The following STK10 variants were observed in gnomAD, a reference collection of about 807,000 sequenced individuals.
STK10 encodes the protein serine/threonine-protein kinase 10.
STK10 carries 78 observed loss-of-function variants against 113.8 expected under a neutral mutation model. The ratio of observed to expected loss-of-function variants is 0.69; its 90% CI spans 0.57 to 0.83. STK10 has a LOEUF of 0.83. STK10 is among the 40% of genes least tolerant of loss of function. STK10 has a pLI of 0.00. For missense variants in STK10, 1,109 were observed against 1,280.1 expected (o/e 0.87, Z 2.04); for synonymous variants, 465 against 494.7 (o/e 0.94, Z 0.80).
At chr5:172,186,444 C>A (rs761933653) in intron 1 of STK10, among the ~76,000 whole-genome samples, 3 of 151,766 alleles carry the variant, frequency 2.0e-5, no homozygotes, top group Admixed American at 2.0e-4. Flanking sequence ...GGCTACGTGG[C>A]GAAACCCCAA....
chr5:172,184,786 G>T (rs1447227293), intron 1 of STK10, among the ~76,000 whole-genome samples: 5 of 151,962 alleles, frequency 3.3e-5, no homozygotes, highest in Admixed American at 3.3e-4. Flanking sequence ...CGAGTAGCTG[G>T]GATTATAGGG....
intron 7 of STK10, among the ~76,000 whole-genome samples, chr5:172,099,884 G>A (rs969691963): frequency 4.6e-5 from 7 of 152,180 alleles, no homozygotes; most frequent in Admixed American, 1.3e-4. Flanking sequence ...TTTTCAGCAC[G>A]GCCAGGAACT....
Position 172,055,721 on chromosome 5 carries a change from C to T in STK10, c.2393G>A (p.Arg798Gln), listed in dbSNP as rs1346810750. The T allele has an allele frequency of 4.4e-6, 7 of 1,579,664 alleles. No individual in the cohort carries two copies. The highest frequency in any genetic ancestry group is 1.7e-4 in the Middle Eastern group (1 of 5,892). Residue 798 changes from arginine to glutamine, a missense_variant, in exon 16 of 19, where the codon CGG (arginine) becomes CAG (glutamine). Transcript: ENST00000176763. ...NQRMIEQLKV[R>Q]QQQEKARLPK... ...CAGCCGCGCCTTTTCCTGTTGCTGC[C>T]GCACCTTCAGCTGCTCTATCATGCG...
chr5:172,090,493 T>C, intron 9 of STK10, 131 bp from the exon 10 acceptor site: 2 of 1,297,084 alleles, frequency 1.5e-6, no homozygotes, highest in Non-Finnish European at 2.1e-6. Context: ...TGGCCATCCA[T>C]CGTCCCTCTT....
intron 1 of STK10, among the ~76,000 whole-genome samples, chr5:172,179,004 G>A (rs754513749): frequency 2.6e-5 from 4 of 152,124 alleles, no homozygotes; most frequent in Non-Finnish European, 5.9e-5. Flanking sequence ...CACCCAAAAT[G>A]CCAGTAGTGC....
intron 10 of STK10, 142 bp downstream of exon 10, chr5:172,090,090 G>T: frequency 8.1e-7 from 1 of 1,237,098 alleles, no homozygotes. Context: ...CAGGATCGCA[G>T]GCAAAATGAG....
intron 4 of STK10, chr5:172,114,461 A>ATATATG (rs1177925690): frequency 3.4e-5 from 1 of 29,674 alleles, no homozygotes; most frequent in African/African-American, 1.5e-4. Context: ...ATATATATAT[A>ATATATG]TATATATATA....
chr5:172,076,571 G>A (rs1457444230), intron 12 of STK10, among the ~76,000 whole-genome samples: 1 of 152,198 alleles, frequency 6.6e-6, no homozygotes, highest in East Asian at 1.9e-4. Flanking sequence ...AATGCCAGTA[G>A]CACTGCTCCC....
intron 1 of STK10, among the ~76,000 whole-genome samples, chr5:172,184,949 C>T (rs1464531866): frequency 6.6e-6 from 1 of 152,204 alleles, no homozygotes; most frequent in Non-Finnish European, 1.5e-5. Context: ...GCGTGAGCCA[C>T]AGCACCTGGC....
In STK10 at chr5:172,093,692, G is replaced by T. The variant is rs748679043; in HGVS notation, c.1274C>A (p.Ala425Asp). The T allele has an allele frequency of 6.2e-7, 1 of 1,614,222 alleles. No homozygotes were observed. Among genetic ancestry groups the T allele is most frequent in the Non-Finnish European group, 8.5e-7 (1 of 1,180,026 alleles). Reference sequence around the variant, plus strand: ...CTGCTCAGCAACTTGCTTCTCCTGGGCTACCTGAATTCTGGCATCCATTGA... The same window carrying T: ...CTGCTCAGCAACTTGCTTCTCCTGGTCTACCTGAATTCTGGCATCCATTGA... ...PVSMDARIQV[A>D]QEKQVAEQGG... Residue 425 changes from alanine (A) to aspartate (D), a missense_variant, in exon 9 of 19, where the codon GCC (alanine) becomes GAC (aspartate). This residue lies in a region of STK10 where 885 missense variants were observed against 991.1 expected (regional missense o/e 0.89). Coordinates refer to ENST00000176763, the MANE Select transcript of STK10 (RefSeq NM_005990.4). This position sits in a 1 kb window ranked among gnomAD's most constrained non-coding sequence, Gnocchi z 4.1.
At chr5:172,177,304 G>A (rs1770776996) in intron 1 of STK10, among the ~76,000 whole-genome samples, 3 of 152,226 alleles carry the variant, frequency 2.0e-5, no homozygotes, top group Non-Finnish European at 4.4e-5. Flanking sequence ...TGGGAGCCTT[G>A]ATCTTGGACT....
At chr5:172,159,064 A>T (rs1009027860) in intron 1 of STK10, among the ~76,000 whole-genome samples, 10 of 152,212 alleles carry the variant, frequency 6.6e-5, no homozygotes, top group Non-Finnish European at 1.2e-4. Flanking sequence ...ACCACAATTC[A>T]AAAGAGAGAG....
rs142625010 is a variant in STK10, at chr5:172,156,668, T to C, written c.277A>G (p.Ile93Val). The C allele has an allele frequency of 1.2e-4, 197 of 1,614,024 alleles. No homozygotes were observed. Among genetic ancestry groups the C allele is most frequent in the Non-Finnish European group, 1.6e-4 (190 of 1,180,030 alleles). ...EILATCDHPYIVKLLGAYYHD... is the reference protein window; with the variant it reads ...EILATCDHPYVVKLLGAYYHD... Reference sequence around the variant, plus strand: ...TAGTAGGCTCCCAGGAGCTTCACAATGTAGGGGTGGTCGCAGGTGGCCAGG... The same window carrying C: ...TAGTAGGCTCCCAGGAGCTTCACAACGTAGGGGTGGTCGCAGGTGGCCAGG... Residue 93 changes from isoleucine to valine, a missense_variant, in exon 2 of 19, where the codon ATT (isoleucine) becomes GTT (valine). Transcript: ENST00000176763.
Position 172,093,724 on chromosome 5 carries a change from T to C in STK10, c.1242A>G (p.Arg414=). The C allele has an allele frequency of 6.2e-7, 1 of 1,614,028 alleles. No individual in the cohort carries two copies. Among genetic ancestry groups the C allele is most frequent in the Non-Finnish European group, 8.5e-7 (1 of 1,179,898 alleles). ...GAATTCTGGCATCCATTGACACGGG[T>C]CGGGACTTCCGCAGGGGCACAGGCA... ...LAVPVPLRKS[R]PVSMDARIQV... is the part of the protein sequence containing the mutation. The change falls in exon 9 of 19, where the codon CGA becomes CGG. Residue 414 remains arginine, a synonymous_variant. Coordinates refer to ENST00000176763, the MANE Select transcript of STK10 (RefSeq NM_005990.4). This position sits in a 1 kb window ranked among gnomAD's most constrained non-coding sequence, Gnocchi z 4.1.
At chr5:172,145,498 C>T (rs184150260) in intron 2 of STK10, among the ~76,000 whole-genome samples, 114 of 152,336 alleles carry the variant, frequency 7.5e-4, no homozygotes, top group African/African-American at 2.4e-3. Context: ...CGCGCTGGCC[C>T]GCTCAGAGCC....
chr5:172,112,636 G>T (rs1282645539), intron 4 of STK10, among the ~76,000 whole-genome samples: 3 of 149,898 alleles, frequency 2.0e-5, no homozygotes, highest in Non-Finnish European at 4.4e-5. Context: ...AGCCAGGATG[G>T]TCTCGATCTC....
chr5:172,146,039 C>T (rs1770079648), intron 2 of STK10, among the ~76,000 whole-genome samples: 1 of 152,242 alleles, frequency 6.6e-6, no homozygotes, highest in Non-Finnish European at 1.5e-5. Flanking sequence ...TGGCGTCCAT[C>T]TGTTGTCCAC....
chr5:172,064,852 T>C (rs1364220261), intron 12 of STK10, 40 bp from the exon 13 acceptor site: 2 of 1,601,052 alleles, frequency 1.2e-6, no homozygotes, highest in African/African-American at 2.7e-5. Flanking sequence ...GTCAGGGTCC[T>C]CTCCATGCTT....
intron 12 of STK10, among the ~76,000 whole-genome samples, chr5:172,068,159 T>C (rs1303093686): frequency 2.6e-5 from 4 of 152,096 alleles, no homozygotes; most frequent in Non-Finnish European, 5.9e-5. Context: ...GCCAAGATGG[T>C]GAAACCCTGT....
Sources: gnomAD v4.1 joint callset for allele counts (sites outside exome capture counted in the v4.1 genomes callset) on GRCh38, gnomAD v4.1.1 for gene constraint, gnomAD v4.1.1 regional missense constraint, Gnocchi (gnomAD v3.1) non-coding constraint, MANE v1.5 for transcripts, NCBI Gene and HGNC (gene_info 2026-07-23, HGNC 2026-07-21) for gene names.